Variants in DAB1 observed in about 807,000 individuals in gnomAD.
DAB1 encodes the protein DAB adaptor protein 1.
DAB1 carries 15 observed loss-of-function variants against 64.6 expected under a neutral mutation model. The observed-to-expected ratio is 0.23, with a 90% CI of 0.16 to 0.36. The LOEUF (loss-of-function observed/expected upper bound fraction) is 0.36. Ranked by LOEUF, DAB1 falls within the 10% of genes least tolerant of loss-of-function variation. The probability of loss-of-function intolerance (pLI) is 1.00; values close to 1 mark genes in which losing one functional copy is unlikely to be tolerated. For synonymous variants in DAB1, 235 were observed against 251.9 expected, an observed-to-expected ratio of 0.93 and a Z score of 0.64; for missense variants, 596 against 706.7, an observed-to-expected ratio of 0.84 and a Z score of 1.78.
At chr1:57,344,931 T>C (rs1677956959) in intron 1 of DAB1, among the ~76,000 whole-genome samples, 2 of 152,128 alleles carry the variant, frequency 1.3e-5, no homozygotes, top group African/African-American at 2.4e-5. Context: ...CCTCCAAATA[T>C]CAGAAGCCAG....
intron 4 of DAB1, among the ~76,000 whole-genome samples, chr1:58,295,408 G>T (rs1224583385): frequency 6.6e-6 from 1 of 152,140 alleles, no homozygotes; most frequent in Admixed American, 6.5e-5. Flanking sequence ...TTCCATGGGA[G>T]TGGAGGTGGC....
At chr1:58,317,614 G>A (rs990149680) in intron 4 of DAB1, among the ~76,000 whole-genome samples, 5 of 152,148 alleles carry the variant, frequency 3.3e-5, no homozygotes, top group Non-Finnish European at 5.9e-5. Context: ...GATGCAACCC[G>A]AAGGAACTGG....
chr1:57,857,482 A>G (rs1653804975), intron 1 of DAB1, among the ~76,000 whole-genome samples: 1 of 152,204 alleles, frequency 6.6e-6, no homozygotes, highest in African/African-American at 2.4e-5. Context: ...TCTGTGTGCC[A>G]GACCCTGTTG....
intron 2 of DAB1, among the ~76,000 whole-genome samples, chr1:58,507,724 G>A (rs1011260040): frequency 6.6e-6 from 1 of 152,042 alleles, no homozygotes; most frequent in Admixed American, 6.6e-5. Context: ...TGTAACATAT[G>A]TATCTATAAA....
At position 58,035,467 on chromosome 1, in the gene DAB1, C is replaced by T. The variant is rs146090681; in HGVS notation, n.387+115044G>A. On this transcript the variant is annotated intron_variant and non_coding_transcript_variant, in intron 5 of 20. Coordinates refer to the DAB1 transcript ENST00000485760. ...TAGGCTTTTCACCTGTACTCCATTA[C>T]AATCCTTACAACACCAACTACATGG... Among the ~76,000 whole-genome samples the T allele has an allele frequency of 3.8e-3, 575 of 152,348 alleles. 8 individuals carry two copies. Among genetic ancestry groups the T allele is most frequent in the Middle Eastern group, 0.014 (4 of 294 alleles).
chr1:58,071,996 A>T (rs1027068659), intron 5 of DAB1, among the ~76,000 whole-genome samples: 2 of 150,982 alleles, frequency 1.3e-5, no homozygotes, highest in Non-Finnish European at 2.9e-5. Context: ...GTTAAAAGGT[A>T]AATAATTAAA....
At chr1:58,228,038 A>G in intron 4 of DAB1, among the ~76,000 whole-genome samples, 2 of 152,210 alleles carry the variant, frequency 1.3e-5, no homozygotes, top group East Asian at 3.9e-4. Context: ...CCCATAGCCT[A>G]ACTGGTTTCA....
chr1:57,673,210 A>G (rs986233700), intron 6 of DAB1, among the ~76,000 whole-genome samples: 2 of 152,128 alleles, frequency 1.3e-5, no homozygotes, highest in East Asian at 1.9e-4. Flanking sequence ...TGGGACTTCA[A>G]TGAAGACTCT....
intron 6 of DAB1, among the ~76,000 whole-genome samples, chr1:57,767,658 C>T (rs1268277548): frequency 1.3e-5 from 2 of 152,210 alleles, no homozygotes; most frequent in South Asian, 4.1e-4. Context: ...ATAGTGGCTA[C>T]TCAATAAATA....
chr1:57,551,103 CT>C (rs1233213677), intron 7 of DAB1, among the ~76,000 whole-genome samples: 1 of 152,212 alleles, frequency 6.6e-6, no homozygotes, highest in Non-Finnish European at 1.5e-5. Flanking sequence ...ATATCACACT[CT>C]TTCCATCTGC....
chr1:58,469,660 C>T (rs4912193), intron 3 of DAB1, among the ~76,000 whole-genome samples: 7 of 152,066 alleles, frequency 4.6e-5, no homozygotes, highest in African/African-American at 7.2e-5. Context: ...CAGTCCCAAG[C>T]GCTTACAAGG....
intron 7 of DAB1, among the ~76,000 whole-genome samples, chr1:57,630,273 C>A (rs954488224): frequency 1.1e-4 from 17 of 152,132 alleles, no homozygotes; most frequent in African/African-American, 4.1e-4. Context: ...GGAAGGAGAT[C>A]TTGAGAGGTC....
chr1:58,510,603 A>G (rs762688165), intron 2 of DAB1, among the ~76,000 whole-genome samples: 31 of 152,170 alleles, frequency 2.0e-4, no homozygotes, highest in Admixed American at 8.5e-4. Context: ...TCTTCAATAC[A>G]GCACTGGGAG....
At chr1:58,001,567 C>A (rs935891273) in intron 5 of DAB1, among the ~76,000 whole-genome samples, 2 of 152,134 alleles carry the variant, frequency 1.3e-5, no homozygotes, top group African/African-American at 4.8e-5. Context: ...GCTGAAAAGG[C>A]CCTTTTTCTG....
At chr1:57,892,098 A>G (rs1644324310) in intron 5 of DAB1, among the ~76,000 whole-genome samples, 1 of 152,234 alleles carries the variant, frequency 6.6e-6, no homozygotes, top group Non-Finnish European at 1.5e-5. Context: ...AGCACACAGT[A>G]TAAATTCGAT....
intron 5 of DAB1, among the ~76,000 whole-genome samples, chr1:58,148,442 T>A (rs1023829308): frequency 6.6e-6 from 1 of 152,244 alleles, no homozygotes; most frequent in Non-Finnish European, 1.5e-5. Flanking sequence ...TGGCTTGGCC[T>A]CTGTCTGCCT....
chr1:57,605,580 G>T (rs1283616266), intron 7 of DAB1, among the ~76,000 whole-genome samples: 2 of 152,158 alleles, frequency 1.3e-5, no homozygotes, highest in Non-Finnish European at 2.9e-5. Context: ...TACTCCAAGT[G>T]CAAGTTCCAC....
At chr1:57,208,203 G>T (rs1665743311) in intron 2 of DAB1, among the ~76,000 whole-genome samples, 1 of 152,060 alleles carries the variant, frequency 6.6e-6, no homozygotes, top group African/African-American at 2.4e-5. Context: ...TCCCCAAAGG[G>T]TGAGGGAGTT....
At chr1:57,381,599 A>T (rs1043712879) in intron 1 of DAB1, among the ~76,000 whole-genome samples, 1 of 152,092 alleles carries the variant, frequency 6.6e-6, no homozygotes, top group Non-Finnish European at 1.5e-5. Context: ...TCACATCCTA[A>T]CAAAACTTTC....
Sources: gnomAD v4.1 joint callset for allele counts (sites outside exome capture counted in the v4.1 genomes callset) on GRCh38, gnomAD v4.1.1 for gene constraint, MANE v1.5 for transcripts, NCBI Gene and HGNC (gene_info 2026-07-23, HGNC 2026-07-21) for gene names.